XPO6: variants seen among roughly 807,000 people sequenced by gnomAD.
The protein encoded by XPO6 is exportin 6, also known as exportin-6.
Under a neutral mutation model 130.0 loss-of-function variants are expected in XPO6, and 3 were observed. The ratio of observed to expected loss-of-function variants is 0.02; its 90% CI spans 0.01 to 0.06. XPO6 has a LOEUF of 0.06. Among genes scored for constraint, XPO6 ranks in the 10% least tolerant of loss-of-function variants. The probability of loss-of-function intolerance (pLI) is 1.00; values close to 1 mark genes in which losing one functional copy is unlikely to be tolerated. For synonymous variants in XPO6, 524 were observed against 548.9 expected (o/e 0.95, Z 0.63); for missense variants, 970 against 1,393.0 (o/e 0.70, Z 4.83).
intron 9 of XPO6, among the ~76,000 whole-genome samples, chr16:28,136,447 C>T (rs1285499613): frequency 5.9e-5 from 9 of 152,178 alleles, no homozygotes; most frequent in African/African-American, 2.2e-4. Flanking sequence ...CTTGAAATCC[C>T]GACCTCAGAT....
At chr16:28,138,332 C>G (rs945613101) in intron 9 of XPO6, among the ~76,000 whole-genome samples, 34 of 152,050 alleles carry the variant, frequency 2.2e-4, no homozygotes, top group African/African-American at 7.0e-4. Flanking sequence ...TACTTCAGAC[C>G]AGAGGACAGA....
At chr16:28,172,373 A>G (rs2141855962) in intron 4 of XPO6, among the ~76,000 whole-genome samples, 1 of 152,280 alleles carries the variant, frequency 6.6e-6, no homozygotes, top group East Asian at 1.9e-4. Context: ...ACTTCTGAAA[A>G]GGTTCCATTG....
chr16:28,139,477 CA>C, intron 9 of XPO6, among the ~76,000 whole-genome samples: 1 of 152,154 alleles, frequency 6.6e-6, no homozygotes. Context: ...GAAGGAAAAG[CA>C]AGAGAAATGG....
chr16:28,108,971 C>T (rs770553277), intron 17 of XPO6, among the ~76,000 whole-genome samples: 2 of 152,204 alleles, frequency 1.3e-5, no homozygotes, highest in Non-Finnish European at 2.9e-5. Flanking sequence ...AAAGGAAAGG[C>T]TCACCCACAC....
rs757123325 is a variant in XPO6, at chr16:28,177,351, A to C, written c.95-19T>G. 4.0e-6 allele frequency: 6 copies of C among 1,489,356 alleles called. No individual in the cohort carries two copies. The highest frequency in any genetic ancestry group is 5.6e-6 in the Non-Finnish European group (6 of 1,074,036). The allele number at this position is 1,489,356 out of a possible 1,614,324, so 92.3% of individuals were successfully genotyped here. On this transcript the variant is annotated intron_variant, in intron 2 of 23. Coordinates refer to ENST00000304658, the MANE Select transcript of XPO6 (RefSeq NM_015171.4). The stretch of plus-strand genomic sequence containing the variant: ...AGCTCCTCTGGAAAAGTTAAATGGC[A>C]ACAAAAGAAAGCTATGAAAATACAT...
At chr16:28,130,326 C>A (rs2042640829) in intron 12 of XPO6, among the ~76,000 whole-genome samples, 1 of 152,188 alleles carries the variant, frequency 6.6e-6, no homozygotes, top group Non-Finnish European at 1.5e-5. Flanking sequence ...GAACTAAAGG[C>A]TGGGCTAGAA....
rs1275928613 is a variant in XPO6 at position 28,101,042 on chromosome 16, C to A, written c.3276+416G>T. On this transcript the variant is annotated intron_variant, in intron 23 of 23. Transcript: ENST00000304658. This position sits in a 1 kb window ranked among gnomAD's most constrained non-coding sequence, Gnocchi z 5.4. Reference sequence around the variant, plus strand: ...GGGGAACCTGGGTCCCACCTCTAACCCTGGGGACCCAGAAGTGCAGCTCCC... The same window carrying A: ...GGGGAACCTGGGTCCCACCTCTAACACTGGGGACCCAGAAGTGCAGCTCCC... 3.4e-6 allele frequency: 1 copy of A among 294,578 alleles called. No individual in the cohort carries two copies. Among genetic ancestry groups the A allele is most frequent in the Non-Finnish European group, 6.7e-6 (1 of 149,898 alleles). The allele number at this position is 294,578 out of a possible 1,614,324, so 18.2% of individuals were successfully genotyped here.
At chr16:28,176,295 T>C (rs1301650698) in intron 3 of XPO6, among the ~76,000 whole-genome samples, 200 bp from the exon 4 acceptor site, 3 of 152,130 alleles carry the variant, frequency 2.0e-5, no homozygotes, top group Non-Finnish European at 2.9e-5. Flanking sequence ...AACTGCCAAA[T>C]AACAGAAACA....
chr16:28,157,065 A>G (rs756915524), intron 6 of XPO6, among the ~76,000 whole-genome samples: 45 of 152,340 alleles, frequency 3.0e-4, no homozygotes, highest in African/African-American at 9.6e-4. Context: ...AGAAGAAAAT[A>G]TAAGAGTATT....
intron 13 of XPO6, 87 bp from the exon 14 acceptor site, chr16:28,121,849 G>A (rs746990503): frequency 4.9e-5 from 41 of 842,824 alleles, no homozygotes; most frequent in Admixed American, 7.7e-5. Context: ...AGCAAAGAGC[G>A]TAAGGGCAGA....
At chr16:28,159,182 G>A (rs1463166242) in intron 6 of XPO6, among the ~76,000 whole-genome samples, 1 of 151,952 alleles carries the variant, frequency 6.6e-6, no homozygotes, top group African/African-American at 2.4e-5. Context: ...AGTGAGCTAC[G>A]ATTTTACCAC....
Position 28,211,564 on chromosome 16 carries a change from G to GA in XPO6, c.-197dup. 1.5e-5 allele frequency: 7 copies of GA among 460,816 alleles called. No individual in the cohort carries two copies. In the East Asian group the frequency reaches 2.5e-4, roughly 16 times the overall value. The allele number at this position is 460,816 out of a possible 1,614,324, so 28.5% of individuals were successfully genotyped here. A position where few individuals can be genotyped will look rare whatever the true frequency, so the allele number is the denominator to read the frequency against. On this transcript the variant is annotated 5_prime_UTR_variant, in exon 1 of 24. It removes the in-frame stop codon of an upstream open reading frame in the 5' UTR. Coordinates refer to ENST00000304658, the MANE Select transcript of XPO6 (RefSeq NM_015171.4). ...CCGGGTCGCCTCATCGGGGGACCCC[G>GA]AGACAATTCATCCAGACCCACCCGC...
intron 12 of XPO6, among the ~76,000 whole-genome samples, chr16:28,126,429 T>C (rs2087413324): frequency 6.6e-6 from 1 of 152,116 alleles, no homozygotes; most frequent in Non-Finnish European, 1.5e-5. Context: ...GGACTTGGAT[T>C]CCGAAGACAC....
intron 1 of XPO6, among the ~76,000 whole-genome samples, chr16:28,210,603 G>C (rs555131621): frequency 6.6e-6 from 1 of 152,182 alleles, no homozygotes; most frequent in Non-Finnish European, 1.5e-5. Flanking sequence ...GGGGAGTATT[G>C]AAAGTATCGG....
intron 1 of XPO6, among the ~76,000 whole-genome samples, chr16:28,209,542 A>C (rs1359213760): frequency 6.7e-6 from 1 of 150,342 alleles, no homozygotes; most frequent in African/African-American, 2.5e-5. Flanking sequence ...CGGGAGGCTG[A>C]GGCAGGAGAA....
intron 12 of XPO6, among the ~76,000 whole-genome samples, chr16:28,127,749 G>C (rs928211335): frequency 1.3e-5 from 2 of 152,222 alleles, no homozygotes; most frequent in Non-Finnish European, 2.9e-5. Context: ...CACGAGGCTG[G>C]AAGAGGGGAC....
intron 17 of XPO6, among the ~76,000 whole-genome samples, chr16:28,109,458 ACAGACTGG>A (rs1298739871): frequency 6.6e-6 from 1 of 152,106 alleles, no homozygotes; most frequent in Non-Finnish European, 1.5e-5. Context: ...TTCCCAATGG[ACAGACTGG>A]CAGGCCCTAC....
At chr16:28,149,868 A>C (rs1248206060) in intron 8 of XPO6, among the ~76,000 whole-genome samples, 1 of 152,232 alleles carries the variant, frequency 6.6e-6, no homozygotes, top group Non-Finnish European at 1.5e-5. Flanking sequence ...AGACGAGAGA[A>C]AGACACATTT....
At chr16:28,197,532 C>T (rs2043884100) in intron 1 of XPO6, among the ~76,000 whole-genome samples, 1 of 152,080 alleles carries the variant, frequency 6.6e-6, no homozygotes. Context: ...CTTAAGATTA[C>T]CCAACGCTGA....
Sources: gnomAD v4.1 joint callset for allele counts (sites outside exome capture counted in the v4.1 genomes callset) on GRCh38, gnomAD v4.1.1 for gene constraint, Gnocchi (gnomAD v3.1) non-coding constraint, MANE v1.5 for transcripts, NCBI Gene and HGNC (gene_info 2026-07-23, HGNC 2026-07-21) for gene names.